OSBPL10: variants seen among roughly 807,000 people sequenced by gnomAD.
The protein encoded by OSBPL10 is oxysterol-binding protein-related protein 10.
A neutral mutation model predicts 81.7 loss-of-function variants in OSBPL10; 49 were observed. The observed-to-expected ratio is 0.60, with a 90% CI of 0.48 to 0.76. The LOEUF is 0.76. Ranked by LOEUF, OSBPL10 falls within the 30% of genes least tolerant of loss-of-function variation. The pLI is 0.00. For missense variants in OSBPL10, 923 were observed against 987.8 expected (o/e 0.93, Z 0.88); for synonymous variants, 419 against 383.6 (o/e 1.09, Z -1.08).
At chr3:32,068,598 A>G (rs7651341) in intron 1 of OSBPL10, among the ~76,000 whole-genome samples, 119,446 of 152,024 alleles carry the variant, frequency 0.79, 49,059 homozygotes, top group South Asian at 0.92. Context: ...CTTGGCCCCA[A>G]TACAAACTTG....
At chr3:31,871,817 C>T (rs911205808) in intron 3 of OSBPL10, among the ~76,000 whole-genome samples, 3 of 152,162 alleles carry the variant, frequency 2.0e-5, no homozygotes, top group African/African-American at 4.8e-5. Context: ...GCACTGATTG[C>T]ACCACTGCAT....
At chr3:31,941,479 AC>A (rs901034628) in intron 1 of OSBPL10, among the ~76,000 whole-genome samples, 1 of 152,204 alleles carries the variant, frequency 6.6e-6, no homozygotes, top group African/African-American at 2.4e-5. Context: ...GTAAATTCCA[AC>A]AGAAGCAGCT....
intron 4 of OSBPL10, among the ~76,000 whole-genome samples, chr3:31,823,752 G>A (rs776821826): frequency 2.0e-5 from 3 of 152,150 alleles, no homozygotes; most frequent in Admixed American, 6.5e-5. Flanking sequence ...AATCTAGAGT[G>A]CGTGTTATAT....
At chr3:31,728,791 G>C (rs1319259487) in intron 6 of OSBPL10, among the ~76,000 whole-genome samples, 1 of 152,194 alleles carries the variant, frequency 6.6e-6, no homozygotes, top group Non-Finnish European at 1.5e-5. Flanking sequence ...CAATAGAACT[G>C]TTCTATACAG....
chr3:32,018,124 G>A (rs897885548), intron 2 of OSBPL10, among the ~76,000 whole-genome samples: 1 of 148,520 alleles, frequency 6.7e-6, no homozygotes, highest in South Asian at 2.1e-4. Flanking sequence ...CTCCAACCTG[G>A]GCAACAAGAG....
At position 32,059,764 on chromosome 3, in the gene OSBPL10, T is replaced by C. The variant is rs188704317; in HGVS notation, n.186-13161A>G. ...GAGATCCCATCTCTATAAAAAAAAT[T>C]AGCCAGGCATGGTGGCACATGCCTG... On this transcript the variant is annotated intron_variant and non_coding_transcript_variant, in intron 1 of 3. Coordinates refer to the OSBPL10 transcript ENST00000479173. 1.9e-4 allele frequency among the ~76,000 whole-genome samples: 29 copies of C among 151,300 alleles called. No individual in the cohort carries two copies. In the East Asian group the frequency reaches 5.1e-3, roughly 26 times the overall value.
At chr3:31,775,208 G>C (rs1180237490) in intron 4 of OSBPL10, among the ~76,000 whole-genome samples, 1 of 152,154 alleles carries the variant, frequency 6.6e-6, no homozygotes, top group East Asian at 1.9e-4. Context: ...GGAAGTGCTA[G>C]AGGTTCAGGG....
intron 2 of OSBPL10, among the ~76,000 whole-genome samples, chr3:32,028,794 T>C (rs889340158): frequency 1.3e-5 from 2 of 152,010 alleles, no homozygotes; most frequent in African/African-American, 4.8e-5. Flanking sequence ...TGAGAAATAA[T>C]TGATGGAAGG....
At chr3:31,676,921 G>GGAGGGTGA (rs1338378716) in intron 8 of OSBPL10, among the ~76,000 whole-genome samples, 2 of 152,290 alleles carry the variant, frequency 1.3e-5, no homozygotes, top group East Asian at 3.9e-4. Context: ...CGAGAGGGTG[G>GGAGGGTGA]GAGAAAGGGG....
chr3:31,724,713 A>G (rs1458120487), intron 6 of OSBPL10, among the ~76,000 whole-genome samples: 1 of 152,228 alleles, frequency 6.6e-6, no homozygotes, highest in African/African-American at 2.4e-5. Context: ...TTGTACTCAG[A>G]CAGCTCATGA....
chr3:31,840,036 A>C (rs1288126421), intron 3 of OSBPL10, among the ~76,000 whole-genome samples: 1 of 151,316 alleles, frequency 6.6e-6, no homozygotes, highest in Non-Finnish European at 1.5e-5. Context: ...TACTGCCCTG[A>C]AGATGGGCTT....
chr3:32,006,437 T>G (rs1438609766), intron 2 of OSBPL10, among the ~76,000 whole-genome samples: 1 of 152,224 alleles, frequency 6.6e-6, no homozygotes, highest in Non-Finnish European at 1.5e-5. Context: ...TAAAAATGAA[T>G]TCTTAATCGT....
intron 4 of OSBPL10, among the ~76,000 whole-genome samples, chr3:31,793,048 A>T (rs922262762): frequency 6.6e-5 from 10 of 152,168 alleles, no homozygotes; most frequent in African/African-American, 2.4e-4. Context: ...TTGTAGTCTC[A>T]AAGGTAACAG....
intron 2 of OSBPL10, among the ~76,000 whole-genome samples, chr3:32,028,038 T>C (rs1217981586): frequency 1.3e-5 from 2 of 152,220 alleles, no homozygotes; most frequent in African/African-American, 2.4e-5. Context: ...GAGGAAAACA[T>C]TGAGAACTTC....
chr3:31,970,041 G>C (rs973209132), intron 1 of OSBPL10, among the ~76,000 whole-genome samples: 3 of 152,036 alleles, frequency 2.0e-5, no homozygotes, highest in Admixed American at 6.6e-5. Flanking sequence ...AGGGGTAGGA[G>C]ACCAAGTTCT....
At chr3:32,071,192 A>G (rs1257060231) in intron 1 of OSBPL10, among the ~76,000 whole-genome samples, 1 of 152,160 alleles carries the variant, frequency 6.6e-6, no homozygotes, top group Non-Finnish European at 1.5e-5. Context: ...CTTCATAAAA[A>G]CACATGTGCT....
chr3:31,762,634 T>TTTTTTTTTTTTTC (rs1698083551), intron 4 of OSBPL10, among the ~76,000 whole-genome samples: 1 of 121,064 alleles, frequency 8.3e-6, no homozygotes, highest in Non-Finnish European at 1.7e-5. Flanking sequence ...CCCAGCATTT[T>TTTTTTTTTTTTTC]TTTTTTTTTT....
intron 2 of OSBPL10, among the ~76,000 whole-genome samples, chr3:32,015,397 A>G (rs1202172771): frequency 6.6e-6 from 1 of 152,280 alleles, no homozygotes; most frequent in Non-Finnish European, 1.5e-5. Flanking sequence ...AGCCATACAT[A>G]GAAAGCTGAA....
intron 3 of OSBPL10, among the ~76,000 whole-genome samples, chr3:31,831,757 A>C (rs1166984290): frequency 2.6e-5 from 4 of 152,242 alleles, no homozygotes; most frequent in African/African-American, 9.6e-5. Context: ...CAACAGGGCC[A>C]CAGAGAAACG....
Sources: gnomAD v4.1 joint callset for allele counts (sites outside exome capture counted in the v4.1 genomes callset) on GRCh38, gnomAD v4.1.1 for gene constraint, MANE v1.5 for transcripts, NCBI Gene and HGNC (gene_info 2026-07-23, HGNC 2026-07-21) for gene names.